Variants in ADAM20 observed in about 807,000 individuals in gnomAD.
ADAM20 encodes disintegrin and metalloproteinase domain-containing protein 20.
For synonymous variants in ADAM20, 305 were observed against 310.2 expected (o/e 0.98, Z 0.18); for missense variants, 871 against 883.2 (o/e 0.99, Z 0.18).
the ADAM20 span, among the ~76,000 whole-genome samples, chr14:70,565,914 ATATT>A: frequency 1.3e-5 from 2 of 151,868 alleles, no homozygotes; most frequent in Non-Finnish European, 2.9e-5. Context: ...GGATCACTAC[ATATT>A]TAAAGTGCTG....
At position 70,523,387 on chromosome 14, in the gene ADAM20, T is replaced by C. The variant is rs1883500749; in HGVS notation, c.1371A>G (p.Lys457=). Residue 457 remains lysine, a synonymous_variant, in exon 2 of 2, where the codon AAA becomes AAG. Transcript: ENST00000256389. ...TACATAAAGTTCCTGATGGCAGAAA[T>C]TTGCAGTCTTTGCAACATATTCCAA... ...CAFGICCKDC[K]FLPSGTLCRQ... 2.5e-6 allele frequency: 4 copies of C among 1,613,988 alleles called. No homozygotes were observed. The East Asian group carries it at 8.9e-5, about 36-fold the overall frequency.
At chr14:70,577,475 G>A in the ADAM20 span, among the ~76,000 whole-genome samples, 1 of 152,154 alleles carries the variant, frequency 6.6e-6, no homozygotes, top group East Asian at 1.9e-4. Context: ...CCACAGTGGA[G>A]TAACTGGCAC....
chr14:70,524,165 G>C lies in ADAM20; in HGVS notation c.593C>G (p.Ser198Cys), dbSNP rs756980185. The C allele has an allele frequency of 1.2e-6, 2 of 1,613,776 alleles. No homozygotes were observed. Among genetic ancestry groups the C allele is most frequent in the South Asian group, 2.2e-5 (2 of 91,072 alleles). The change falls in exon 2 of 2, where the codon TCT (serine) becomes TGT (cysteine). Residue 198 changes from serine (S) to cysteine (C), a missense_variant. By Grantham distance (112) the Ser-to-Cys change is moderately radical. Transcript: ENST00000256389. The part of the protein sequence containing the change: ...LSYNFTLKQS[S>C]FVGWWTHQRF... ...CTGATGGGTCCACCAGCCCACAAAA[G>C]AACTTTGCTTCAGAGTGAAATTATA...
At chr14:70,567,309 A>C in the ADAM20 span, among the ~76,000 whole-genome samples, 1 of 152,336 alleles carries the variant, frequency 6.6e-6, no homozygotes, top group East Asian at 1.9e-4. Flanking sequence ...TGGCAAGCAC[A>C]GGAGACTGAT....
the ADAM20 span, among the ~76,000 whole-genome samples, chr14:70,559,492 G>A: frequency 7.9e-5 from 12 of 151,878 alleles, no homozygotes; most frequent in East Asian, 7.7e-4. Context: ...TCTTATACTC[G>A]ACACTCAATT....
the ADAM20 span, among the ~76,000 whole-genome samples, chr14:70,578,737 G>T: frequency 1.3e-5 from 2 of 152,128 alleles, no homozygotes; most frequent in Non-Finnish European, 2.9e-5. Flanking sequence ...ATGGGGGTTT[G>T]ATACAAGGGT....
chr14:70,523,832 C>G lies in ADAM20; in HGVS notation c.926G>C (p.Gly309Ala). Residue 309 changes from glycine (G) to alanine (A), a missense_variant, in exon 2 of 2, where the codon GGT becomes GCT. Physicochemically the swap from Gly to Ala is moderately conservative, Grantham distance 60. Transcript: ENST00000256389. ...GCATATTCCTTTAACATAGGCAACA[C>G]CAAGCTTCATGCCTTGTGTGTCTTT... The part of the protein sequence containing the change: ...FIKDTQGMKL[G>A]VAYVKGICQN... The G allele has an allele frequency of 6.2e-7, 1 of 1,614,018 alleles. No individual in the cohort carries two copies. Among genetic ancestry groups the G allele is most frequent in the Non-Finnish European group, 8.5e-7 (1 of 1,179,966 alleles).
At chr14:70,544,995 C>T in the ADAM20 span, among the ~76,000 whole-genome samples, 4 of 152,090 alleles carry the variant, frequency 2.6e-5, no homozygotes, top group Non-Finnish European at 2.9e-5. Flanking sequence ...AGTTCCTATA[C>T]ATATTTTCAA....
the ADAM20 span, among the ~76,000 whole-genome samples, chr14:70,561,426 TCTGA>T: frequency 6.6e-6 from 1 of 152,350 alleles, no homozygotes; most frequent in South Asian, 2.1e-4. Flanking sequence ...AAATTTGTAG[TCTGA>T]CCATACAGTA....
At chr14:70,569,609 AGAG>A in the ADAM20 span, among the ~76,000 whole-genome samples, 286 of 152,242 alleles carry the variant, frequency 1.9e-3, 2 homozygotes, top group South Asian at 5.8e-3. Flanking sequence ...CAAACAAAAA[AGAG>A]GATGAGTTGC....
At chr14:70,545,621 G>C in the ADAM20 span, among the ~76,000 whole-genome samples, 1 of 151,982 alleles carries the variant, frequency 6.6e-6, no homozygotes, top group African/African-American at 2.4e-5. Flanking sequence ...AGACAAAGAA[G>C]GTCATTACAT....
chr14:70,565,841 G>A, the ADAM20 span, among the ~76,000 whole-genome samples: 12 of 152,152 alleles, frequency 7.9e-5, no homozygotes, highest in African/African-American at 2.9e-4. Context: ...TTATACAACA[G>A]ACTTTAGAAT....
chr14:70,569,537 C>T, the ADAM20 span, among the ~76,000 whole-genome samples: 5 of 152,024 alleles, frequency 3.3e-5, no homozygotes, highest in Admixed American at 6.6e-5. Context: ...TCACAGGGAA[C>T]GGCATTCCCA....
At chr14:70,567,551 C>T in the ADAM20 span, among the ~76,000 whole-genome samples, 1 of 152,182 alleles carries the variant, frequency 6.6e-6, no homozygotes, top group African/African-American at 2.4e-5. Context: ...CCACTGGGGG[C>T]TGGGGAATGC....
chr14:70,535,036 T>C (rs1883802969), upstream of ADAM20: 1 of 152,242 alleles, frequency 6.6e-6, no homozygotes, highest in Non-Finnish European at 1.5e-5. Flanking sequence ...GAATGGCATG[T>C]AATGACATCA....
Position 70,522,869 on chromosome 14 carries a change from T to G in ADAM20, c.1889A>C (p.His630Pro), listed in dbSNP as rs1883483551. The change falls in exon 2 of 2, where the codon CAT (histidine) becomes CCT (proline). Residue 630 changes from histidine to proline, a missense_variant. Coordinates refer to ENST00000256389, the MANE Select transcript of ADAM20 (RefSeq NM_003814.5). The stretch of plus-strand genomic sequence containing the variant: ...CTTAGGCTGACAGGCTTGTGACAGA[T>G]GAACCATACTGGCACACTTCTTACG... ...CIRKKCASMV[H>P]LSQACQPKTC... is the part of the protein sequence containing the mutation. 5 of 1,613,944 alleles carry G rather than the reference T, an allele frequency of 3.1e-6. No homozygotes were observed. The South Asian group carries it at 4.4e-5, about 14-fold the overall frequency.
At chr14:70,542,345 T>G in the ADAM20 span, among the ~76,000 whole-genome samples, 2 of 152,212 alleles carry the variant, frequency 1.3e-5, no homozygotes, top group African/African-American at 4.8e-5. Flanking sequence ...TACCAAGGCT[T>G]TGAATGGAAT....
chr14:70,578,868 C>A, the ADAM20 span, among the ~76,000 whole-genome samples: 1 of 152,048 alleles, frequency 6.6e-6, no homozygotes, highest in Non-Finnish European at 1.5e-5. Context: ...ATCTTAAGTG[C>A]TTATTGTTCC....
At chr14:70,550,748 T>G in the ADAM20 span, among the ~76,000 whole-genome samples, 2 of 56,024 alleles carry the variant, frequency 3.6e-5, no homozygotes, top group Admixed American at 2.3e-4. Context: ...CTGGTACCAT[T>G]CCTTCTGAAA....
Sources: gnomAD v4.1 joint callset for allele counts (sites outside exome capture counted in the v4.1 genomes callset) on GRCh38, gnomAD v4.1.1 for gene constraint, MANE v1.5 for transcripts, NCBI Gene and HGNC (gene_info 2026-07-23, HGNC 2026-07-21) for gene names.